HS6ST3: variants seen among roughly 807,000 people sequenced by gnomAD.
HS6ST3 encodes the protein heparan-sulfate 6-O-sulfotransferase 3.
HS6ST3 carries 12 observed loss-of-function variants against 36.7 expected under a neutral mutation model. The ratio of observed to expected loss-of-function variants is 0.33; its 90% CI spans 0.21 to 0.53. The LOEUF (loss-of-function observed/expected upper bound fraction) is 0.53, where lower values mean the gene tolerates loss of function less well. HS6ST3 is among the 20% of genes least tolerant of loss of function. The pLI is 0.95. For missense variants in HS6ST3, 584 were observed against 640.9 expected (o/e 0.91, Z 0.96); for synonymous variants, 240 against 257.5 (o/e 0.93, Z 0.65).
chr13:96,619,998 T>A (rs570735707), intron 1 of HS6ST3, among the ~76,000 whole-genome samples: 39 of 152,302 alleles, frequency 2.6e-4, no homozygotes, highest in South Asian at 6.2e-4. Context: ...TCTGAGAAGC[T>A]GGTTGTCATG....
chr13:96,818,031 C>G (rs967443724), intron 1 of HS6ST3, among the ~76,000 whole-genome samples: 5 of 152,076 alleles, frequency 3.3e-5, no homozygotes, highest in African/African-American at 9.7e-5. Flanking sequence ...GATAGTGTCC[C>G]CATTTGAGTG....
intron 1 of HS6ST3, among the ~76,000 whole-genome samples, chr13:96,229,301 T>C (rs2054496355): frequency 6.6e-6 from 1 of 152,188 alleles, no homozygotes; most frequent in Non-Finnish European, 1.5e-5. Flanking sequence ...TACACCACCT[T>C]CTGTGAGTTA....
chr13:96,160,352 ATTAATTAGTTATGTTC>A (rs1227214525), intron 1 of HS6ST3, among the ~76,000 whole-genome samples: 1 of 152,158 alleles, frequency 6.6e-6, no homozygotes, highest in East Asian at 1.9e-4. Flanking sequence ...TTTGTTTATA[ATTAATTAGTTATGTTC>A]TAGAAGCTCT....
At chr13:96,115,858 A>C (rs2053891573) in intron 1 of HS6ST3, among the ~76,000 whole-genome samples, 1 of 152,166 alleles carries the variant, frequency 6.6e-6, no homozygotes, top group Admixed American at 6.5e-5. Flanking sequence ...TTACATTCCC[A>C]CCAACAGTGT....
intron 1 of HS6ST3, among the ~76,000 whole-genome samples, chr13:96,674,944 G>A (rs970519680): frequency 7.9e-5 from 12 of 152,118 alleles, no homozygotes; most frequent in African/African-American, 2.9e-4. Context: ...CATGTTTCAG[G>A]AGGAGAGATA....
intron 1 of HS6ST3, among the ~76,000 whole-genome samples, chr13:96,723,312 A>G (rs1237878739): frequency 6.6e-6 from 1 of 152,014 alleles, no homozygotes; most frequent in Non-Finnish European, 1.5e-5. Context: ...TGCGATCCCC[A>G]TAAGGTTCTC....
intron 1 of HS6ST3, among the ~76,000 whole-genome samples, chr13:96,384,347 G>C (rs1250473139): frequency 1.3e-5 from 2 of 150,708 alleles, no homozygotes; most frequent in Non-Finnish European, 3.0e-5. Context: ...CCTTACTTGC[G>C]GCAAATCTTA....
chr13:96,674,135 C>T (rs867598501), intron 1 of HS6ST3, among the ~76,000 whole-genome samples: 11 of 152,090 alleles, frequency 7.2e-5, no homozygotes, highest in Middle Eastern at 6.8e-3. Flanking sequence ...GGTGTGGCTT[C>T]CCCTTGCTGT....
intron 1 of HS6ST3, among the ~76,000 whole-genome samples, chr13:96,462,813 T>G (rs2055791596): frequency 2.6e-5 from 4 of 152,238 alleles, no homozygotes; most frequent in Admixed American, 2.6e-4. Flanking sequence ...TGTATCTATC[T>G]ATCTAAATGA....
chr13:96,516,994 A>G (rs764890968), intron 1 of HS6ST3, among the ~76,000 whole-genome samples: 3 of 152,184 alleles, frequency 2.0e-5, no homozygotes, highest in Non-Finnish European at 4.4e-5. Context: ...GCTCTTTTTA[A>G]GGCAGTGTTT....
intron 1 of HS6ST3, among the ~76,000 whole-genome samples, chr13:96,381,354 G>A (rs1349727516): frequency 1.4e-5 from 2 of 145,182 alleles, no homozygotes; most frequent in African/African-American, 5.1e-5. Flanking sequence ...ATATATATAT[G>A]TGTGTGTATA....
chr13:96,210,351 C>T (rs2054392664), intron 1 of HS6ST3, among the ~76,000 whole-genome samples: 1 of 152,168 alleles, frequency 6.6e-6, no homozygotes, highest in East Asian at 1.9e-4. Flanking sequence ...TGAGAACCTT[C>T]CTTGGAAACG....
chr13:96,731,499 A>T (rs1253034630), intron 1 of HS6ST3, among the ~76,000 whole-genome samples: 1 of 152,066 alleles, frequency 6.6e-6, no homozygotes, highest in East Asian at 1.9e-4. Flanking sequence ...CTTTTCATAG[A>T]TACTTAGGTT....
intron 1 of HS6ST3, among the ~76,000 whole-genome samples, chr13:96,327,445 C>T (rs1335916893): frequency 6.6e-6 from 1 of 151,866 alleles, no homozygotes; most frequent in Admixed American, 6.6e-5. Context: ...GAATCCTTTC[C>T]CCATTGCTTG....
intron 1 of HS6ST3, among the ~76,000 whole-genome samples, chr13:96,424,589 G>C (rs1404381378): frequency 6.6e-6 from 1 of 152,114 alleles, no homozygotes; most frequent in Non-Finnish European, 1.5e-5. Flanking sequence ...GTGCTGATAG[G>C]TTCAATGTCT....
At chr13:96,270,774 C>T (rs902660798) in intron 1 of HS6ST3, among the ~76,000 whole-genome samples, 10 of 151,956 alleles carry the variant, frequency 6.6e-5, no homozygotes, top group African/African-American at 9.7e-5. Flanking sequence ...AAGCTTGAAA[C>T]GATGGAGCTC....
At chr13:96,484,293 C>T (rs1261507751) in intron 1 of HS6ST3, among the ~76,000 whole-genome samples, 5 of 151,656 alleles carry the variant, frequency 3.3e-5, no homozygotes, top group African/African-American at 1.2e-4. Flanking sequence ...TCCTTCCTTC[C>T]TCCTTCCTTC....
chr13:96,441,220 C>T (rs780072811), intron 1 of HS6ST3, among the ~76,000 whole-genome samples: 2 of 152,056 alleles, frequency 1.3e-5, no homozygotes, highest in African/African-American at 2.4e-5. Flanking sequence ...GTTTTGAAGC[C>T]TCCCAGTATA....
At chr13:96,593,320 A>T (rs56093136) in intron 1 of HS6ST3, among the ~76,000 whole-genome samples, 5,450 of 149,026 alleles carry the variant, frequency 0.037, 171 homozygotes, top group Admixed American at 0.093. Context: ...AGTACCTGGG[A>T]TTACAGGCGC....
Sources: gnomAD v4.1 joint callset for allele counts (sites outside exome capture counted in the v4.1 genomes callset) on GRCh38, gnomAD v4.1.1 for gene constraint, MANE v1.5 for transcripts, NCBI Gene and HGNC (gene_info 2026-07-23, HGNC 2026-07-21) for gene names.